MTHFD2L: variants seen among roughly 807,000 people sequenced by gnomAD.
MTHFD2L encodes the protein methylenetetrahydrofolate dehydrogenase (NADP+ dependent) 2 like.
MTHFD2L carries 29 observed loss-of-function variants against 34.9 expected under a neutral mutation model. The ratio of observed to expected loss-of-function variants is 0.83; its 90% CI spans 0.62 to 1.13. The LOEUF (loss-of-function observed/expected upper bound fraction) is 1.13, where lower values mean the gene tolerates loss of function less well. MTHFD2L is among the 50% of genes most tolerant of loss of function. The pLI is 0.00. For synonymous variants in MTHFD2L, 167 were observed against 155.7 expected (o/e 1.07, Z -0.54); for missense variants, 481 against 446.5 (o/e 1.08, Z -0.70).
chr4:74,240,911 C>T (rs1303053510), intron 6 of MTHFD2L, among the ~76,000 whole-genome samples: 1 of 152,106 alleles, frequency 6.6e-6, no homozygotes, highest in Non-Finnish European at 1.5e-5. Context: ...AATTATTTGG[C>T]TTTTCCTGGG....
At chr4:74,138,654 G>A (rs559125115) in intron 1 of MTHFD2L, among the ~76,000 whole-genome samples, 1 of 152,328 alleles carries the variant, frequency 6.6e-6, no homozygotes, top group Admixed American at 6.5e-5. Context: ...CGGAGGAGTG[G>A]AAGTCAATGG....
At chr4:74,289,156 A>C (rs548042145) in intron 7 of MTHFD2L, among the ~76,000 whole-genome samples, 1 of 152,366 alleles carries the variant, frequency 6.6e-6, no homozygotes, top group South Asian at 2.1e-4. Context: ...GATAATAAAC[A>C]AATACATATC....
chr4:74,271,051 T>A (rs1578674028), intron 6 of MTHFD2L, among the ~76,000 whole-genome samples: 1 of 152,288 alleles, frequency 6.6e-6, no homozygotes, highest in African/African-American at 2.4e-5. Flanking sequence ...GTCTGAGTTA[T>A]TTGTAGATTC....
intron 1 of MTHFD2L, among the ~76,000 whole-genome samples, chr4:74,132,410 A>G (rs1722588364): frequency 6.6e-6 from 1 of 152,198 alleles, no homozygotes; most frequent in Non-Finnish European, 1.5e-5. Flanking sequence ...ATGCAGCCAT[A>G]AAAAAGGATG....
chr4:74,256,627 C>T (rs1192381912), intron 6 of MTHFD2L, among the ~76,000 whole-genome samples: 3 of 152,204 alleles, frequency 2.0e-5, no homozygotes, highest in East Asian at 1.9e-4. Flanking sequence ...GCTATCTCAG[C>T]ACCATTTATG....
intron 6 of MTHFD2L, among the ~76,000 whole-genome samples, chr4:74,273,535 T>G (rs1363842209): frequency 1.3e-5 from 2 of 152,208 alleles, no homozygotes; most frequent in Non-Finnish European, 2.9e-5. Context: ...GTTTGAAATT[T>G]TATTCCTTTA....
At chr4:74,187,834 C>T (rs1056304325) in intron 3 of MTHFD2L, among the ~76,000 whole-genome samples, 6 of 148,814 alleles carry the variant, frequency 4.0e-5, no homozygotes, top group Non-Finnish European at 7.5e-5. Flanking sequence ...CACACACACA[C>T]ATTGGTCCAG....
At chr4:74,141,158 G>T (rs1375502948) in intron 1 of MTHFD2L, among the ~76,000 whole-genome samples, 1 of 152,088 alleles carries the variant, frequency 6.6e-6, no homozygotes, top group Non-Finnish European at 1.5e-5. Context: ...TCTTATTAGG[G>T]TAGTTTACTG....
intron 3 of MTHFD2L, among the ~76,000 whole-genome samples, chr4:74,175,615 A>C (rs1728878175): frequency 6.6e-6 from 1 of 152,100 alleles, no homozygotes. Context: ...TTGGCAATAC[A>C]TACACTCCTT....
At chr4:74,121,100 T>G (rs1721746059), upstream of MTHFD2L, among the ~76,000 whole-genome samples, 1 of 152,172 alleles carries the variant, frequency 6.6e-6, no homozygotes, top group African/African-American at 2.4e-5. Flanking sequence ...ATGGCCTTCT[T>G]TCTCCCAGCT....
upstream of MTHFD2L, among the ~76,000 whole-genome samples, chr4:74,154,584 G>C (rs1578266981): frequency 6.6e-6 from 1 of 152,014 alleles, no homozygotes; most frequent in African/African-American, 2.4e-5. Context: ...TGGGCATGAG[G>C]AACCCTTTCA....
intron 5 of MTHFD2L, among the ~76,000 whole-genome samples, chr4:74,210,137 A>G (rs1267047504): frequency 2.6e-5 from 4 of 151,552 alleles, no homozygotes; most frequent in Admixed American, 6.6e-5. Context: ...CCCATTCTGT[A>G]GGTTGCTGTT....
chr4:74,269,941 A>G (rs1745745311), intron 6 of MTHFD2L, among the ~76,000 whole-genome samples: 1 of 152,162 alleles, frequency 6.6e-6, no homozygotes, highest in Admixed American at 6.5e-5. Flanking sequence ...ATACAGATCT[A>G]AAACTGTAAA....
At chr4:74,283,218 C>T (rs1415556007) in intron 7 of MTHFD2L, among the ~76,000 whole-genome samples, 2 of 152,192 alleles carry the variant, frequency 1.3e-5, no homozygotes, top group Non-Finnish European at 2.9e-5. Context: ...TTTTACAAGA[C>T]TCTTCTCTCA....
intron 6 of MTHFD2L, 54 bp downstream of exon 6, chr4:74,225,448 G>T: frequency 7.1e-7 from 1 of 1,400,662 alleles, no homozygotes; most frequent in Non-Finnish European, 1.0e-6. Context: ...AATAATTCCT[G>T]CCCTAAATGC....
chr4:74,198,287 G>T (rs1412107789), intron 3 of MTHFD2L, among the ~76,000 whole-genome samples: 3 of 152,054 alleles, frequency 2.0e-5, no homozygotes, highest in African/African-American at 7.2e-5. Flanking sequence ...CAGTGAATGG[G>T]AGCGCAAAAA....
chr4:74,193,747 A>G (rs1478500301), intron 3 of MTHFD2L, among the ~76,000 whole-genome samples: 1 of 152,148 alleles, frequency 6.6e-6, no homozygotes, highest in African/African-American at 2.4e-5. Context: ...CAGGAATTCA[A>G]TTGTTTTCTT....
In MTHFD2L at chr4:74,244,594, A is replaced by C. The variant is rs369189512; in HGVS notation, c.805+19200A>C. On this transcript the variant is annotated intron_variant, in intron 6 of 7. Coordinates refer to ENST00000325278, the MANE Select transcript of MTHFD2L (RefSeq NM_001144978.3). ...TGTATAATGATATGTGGCAATGTGG[A>C]ATATCCACAAAACTCAATGAAATGC... Among the ~76,000 whole-genome samples the C allele has an allele frequency of 5.9e-5, 9 of 152,350 alleles. No individual in the cohort carries two copies. In the South Asian group the frequency reaches 1.9e-3, roughly 32 times the overall value.
chr4:74,200,972 AACTCT>A (rs1267536065), intron 4 of MTHFD2L, among the ~76,000 whole-genome samples: 3 of 152,284 alleles, frequency 2.0e-5, no homozygotes, highest in Non-Finnish European at 2.9e-5. Context: ...TATATGTTAA[AACTCT>A]ACTCTTCTAA....
Sources: allele counts gnomAD v4.1 joint callset (sites outside exome capture counted in the v4.1 genomes callset), GRCh38; gene constraint gnomAD v4.1.1; transcripts MANE v1.5; gene names NCBI Gene and HGNC (gene_info 2026-07-23, HGNC 2026-07-21).